Variants in HERC2 observed in about 807,000 individuals in gnomAD.
HERC2 encodes E3 ubiquitin-protein ligase HERC2.
HERC2 carries 102 observed loss-of-function variants against 537.7 expected under a neutral mutation model. The ratio of observed to expected loss-of-function variants is 0.19; its 90% CI spans 0.16 to 0.22. HERC2 has a LOEUF of 0.22. Ranked by LOEUF, HERC2 falls within the 10% of genes least tolerant of loss-of-function variation. The probability of loss-of-function intolerance (pLI) is 1.00; values close to 1 mark genes in which losing one functional copy is unlikely to be tolerated. For missense variants in HERC2, 4,236 were observed against 6,198.2 expected, an observed-to-expected ratio of 0.68 and a Z score of 10.63; for synonymous variants, 2,224 against 2,466.2, an observed-to-expected ratio of 0.90 and a Z score of 2.91.
intron 85 of HERC2, among the ~76,000 whole-genome samples, 166 bp downstream of exon 85, chr15:28,123,870 AT>A (rs1476884507): frequency 6.6e-6 from 1 of 152,222 alleles, no homozygotes; most frequent in Admixed American, 6.5e-5. Flanking sequence ...CTGTTTTCTC[AT>A]TGATATAAAG....
At chr15:28,245,702 A>T (rs1012632359) in intron 23 of HERC2, among the ~76,000 whole-genome samples, 179 bp downstream of exon 23, 3 of 152,222 alleles carry the variant, frequency 2.0e-5, no homozygotes, top group East Asian at 3.9e-4. Flanking sequence ...TTTGGTTAAT[A>T]TATACATATA....
chr15:28,143,191 G>T (rs536327152), intron 74 of HERC2, among the ~76,000 whole-genome samples: 1 of 152,014 alleles, frequency 6.6e-6, no homozygotes, highest in African/African-American at 2.4e-5. Flanking sequence ...CAGTACATCC[G>T]CTTCCAGAGA....
At chr15:28,146,128 A>G (rs1891707313) in intron 71 of HERC2, 109 bp downstream of exon 71, 5 of 761,098 alleles carry the variant, frequency 6.6e-6, no homozygotes, top group Non-Finnish European at 1.1e-5. Flanking sequence ...CCCTTCCTTA[A>G]GACTTCCATG....
intron 78 of HERC2, among the ~76,000 whole-genome samples, chr15:28,138,469 T>C (rs1380811183): frequency 2.0e-5 from 3 of 152,158 alleles, no homozygotes; most frequent in Non-Finnish European, 2.9e-5. Flanking sequence ...CCCTTAAGAA[T>C]TATGCTAACT....
At chr15:28,238,265 G>A in intron 24 of HERC2, 48 bp from the exon 25 acceptor site, 3 of 1,298,146 alleles carry the variant, frequency 2.3e-6, no homozygotes, top group Non-Finnish European at 3.4e-6. Flanking sequence ...CAGCTTGCCT[G>A]AAGAGATATA....
chr15:28,179,139 T>A lies in HERC2; in HGVS notation c.9019+3A>T, dbSNP rs1566976575. 6.2e-7 allele frequency: 1 copy of A among 1,610,888 alleles called. No individual in the cohort carries two copies. Among genetic ancestry groups the A allele is most frequent in the South Asian group, 1.1e-5 (1 of 90,198 alleles). ...AAATTTTTTAAGATTAGAATAATCA[T>A]ACCTGCAAACAAACTTTTAGATCCA... On this transcript the variant is annotated splice_donor_region_variant and intron_variant, in intron 58 of 92. Transcript: ENST00000261609.
intron 70 of HERC2, among the ~76,000 whole-genome samples, chr15:28,150,975 G>A (rs1248759680): frequency 1.3e-5 from 2 of 152,120 alleles, no homozygotes; most frequent in African/African-American, 4.8e-5. Context: ...ACCCCACGAG[G>A]ACCAGTCAGT....
At chr15:28,270,983 ACAAT>A in intron 9 of HERC2, 115 bp from the exon 10 acceptor site, 5 of 797,198 alleles carry the variant, frequency 6.3e-6, no homozygotes, top group Non-Finnish European at 1.0e-5. Flanking sequence ...CCATCAAATG[ACAAT>A]GTCAATGATA....
rs569572068 is a variant in HERC2 at position 28,142,492 on chromosome 15, T to C, written c.11545-99A>G. ...TTCCGCAGGACCTCCTATTCCAGGA[T>C]GACGGCCATGGGCACAGCAAGGATA... On this transcript the variant is annotated intron_variant, in intron 75 of 92. Transcript: ENST00000261609. 11 of 1,239,558 alleles carry C rather than the reference T, an allele frequency of 8.9e-6. No homozygotes were observed. The African/African-American group carries it at 1.7e-4, about 19-fold the overall frequency. 76.8% of individuals were successfully genotyped at this position (1,239,558 alleles called of 1,614,324 possible).
Position 28,246,081 on chromosome 15 carries a change from T to G in HERC2, c.3392-15A>C. 6.6e-7 allele frequency: 1 copy of G among 1,507,906 alleles called. No homozygotes were observed. Among genetic ancestry groups the G allele is most frequent in the Non-Finnish European group, 9.1e-7 (1 of 1,100,268 alleles). 93.4% of individuals were successfully genotyped at this position (1,507,906 alleles called of 1,614,324 possible). ...AAGGAGAACACCTACATTTAAGAAA[T>G]AATAAGATTTAAATAAGTATTTATC... is the stretch of plus-strand genomic sequence containing the variant. On this transcript the variant is annotated splice_polypyrimidine_tract_variant and intron_variant, in intron 22 of 92. Transcript: ENST00000261609.
At chr15:28,317,867 A>C (rs972577222) in intron 2 of HERC2, among the ~76,000 whole-genome samples, 85 of 152,354 alleles carry the variant, frequency 5.6e-4, no homozygotes, top group African/African-American at 2.0e-3. Context: ...TGACCTCTCT[A>C]GTTTCTTTAC....
At chr15:28,143,846 T>C in intron 74 of HERC2, 27 bp downstream of exon 74, 1 of 1,613,668 alleles carries the variant, frequency 6.2e-7, no homozygotes, top group Non-Finnish European at 8.5e-7. Context: ...GTCACAAATC[T>C]AGAAATTGTA....
chr15:28,205,389 G>C (rs1898329436), intron 45 of HERC2, among the ~76,000 whole-genome samples: 1 of 134,020 alleles, frequency 7.5e-6, no homozygotes, highest in African/African-American at 3.2e-5. Context: ...TCCCAGACCT[G>C]AGAAGAAGCT....
chr15:28,132,185 T>C lies in HERC2; in HGVS notation c.12485A>G (p.Asp4162Gly). ...CCCCCAGGACCAGACAGTGTCGTCA[T>C]CTGTGAGGCAGAGGGTCTGGGCATC... ...SGDAQTLCLT[D>G]DDTVWSWGDG... The change falls in exon 81 of 93, where the codon GAT becomes GGT. Residue 4162 changes from aspartate to glycine, a missense_variant. This residue lies in a region of HERC2 where 94 missense variants were observed against 137.4 expected (regional missense o/e 0.68). Coordinates refer to ENST00000261609, the MANE Select transcript of HERC2 (RefSeq NM_004667.6). The C allele has an allele frequency of 6.2e-7, 1 of 1,614,070 alleles. No homozygotes were observed. Among genetic ancestry groups the C allele is most frequent in the Non-Finnish European group, 8.5e-7 (1 of 1,179,938 alleles).
chr15:28,196,213 A>C lies in HERC2; in HGVS notation c.8260+2T>G. 1 of 1,218,514 alleles carries C rather than the reference A, an allele frequency of 8.2e-7. No homozygotes were observed. Among genetic ancestry groups the C allele is most frequent in the Non-Finnish European group, 1.2e-6 (1 of 861,240 alleles). The allele number at this position is 1,218,514 out of a possible 1,614,324, so 75.5% of individuals were successfully genotyped here. A position where few individuals can be genotyped will look rare whatever the true frequency, so the allele number is the denominator to read the frequency against. On this transcript the variant is annotated splice_donor_variant, in intron 52 of 92. Transcript: ENST00000261609. LOFTEE classifies it high-confidence loss of function. Reference sequence around the variant, plus strand: ...AGAGAGAATATAAACATTCTGCCATACCTGGTTCATTTATTCTGCCAAATG... The same window carrying C: ...AGAGAGAATATAAACATTCTGCCATCCCTGGTTCATTTATTCTGCCAAATG...
chr15:28,129,776 C>T (rs891814416), intron 83 of HERC2, among the ~76,000 whole-genome samples: 23 of 109,530 alleles, frequency 2.1e-4, no homozygotes, highest in African/African-American at 6.1e-4. Flanking sequence ...TAAGCCTCTG[C>T]CTCCTTTTTT....
At chr15:28,197,253 T>C (rs1244901291) in intron 50 of HERC2, among the ~76,000 whole-genome samples, 2 of 152,336 alleles carry the variant, frequency 1.3e-5, no homozygotes, top group South Asian at 2.1e-4. Context: ...AATCTCTTTA[T>C]GGCATCAAGA....
rs745831017 is a variant in HERC2, at chr15:28,248,647, C to T, written c.3140G>A (p.Arg1047Lys). Residue 1047 changes from arginine (R) to lysine (K), a missense_variant, in exon 21 of 93, where the codon AGA becomes AAA. Around this residue, in one of 27 missense-constraint regions of HERC2, gnomAD observed 754 missense variants for 1,085.0 expected, o/e 0.69. Transcript: ENST00000261609. The stretch of plus-strand genomic sequence containing the variant: ...CAGTAACAAATCCAATGAAGCAGAT[C>T]TTTCACGACTGTGTTGCTCAAAGTC... ...CLDFEQHSRE[R>K]SASLDLLLRF... is the part of the protein sequence containing the mutation. 30 of 1,613,844 alleles carry T rather than the reference C, an allele frequency of 1.9e-5. No homozygotes were observed. The highest frequency in any genetic ancestry group is 2.5e-5 in the Non-Finnish European group (30 of 1,179,812).
At chr15:28,273,189 C>T (rs1034741922) in intron 7 of HERC2, 185 bp from the exon 8 acceptor site, 2 of 615,132 alleles carry the variant, frequency 3.3e-6, no homozygotes, top group African/African-American at 1.8e-5. Flanking sequence ...AATTAGCTTA[C>T]ACAACTATAT....
Sources: allele counts gnomAD v4.1 joint callset (sites outside exome capture counted in the v4.1 genomes callset), GRCh38; gene constraint gnomAD v4.1.1; regional missense constraint gnomAD v4.1.1; transcripts MANE v1.5; gene names NCBI Gene and HGNC (gene_info 2026-07-23, HGNC 2026-07-21).